ADAM23: variants seen among roughly 807,000 people sequenced by gnomAD.
The protein encoded by ADAM23 is ADAM metallopeptidase domain 23.
A neutral mutation model predicts 120.1 loss-of-function variants in ADAM23; 33 were observed. That is an observed-to-expected ratio of 0.27 (90% CI 0.21 to 0.37). The LOEUF (loss-of-function observed/expected upper bound fraction) is 0.37. ADAM23 is among the 10% of genes least tolerant of loss of function. ADAM23 has a pLI of 1.00. For synonymous variants in ADAM23, 367 were observed against 375.2 expected, an observed-to-expected ratio of 0.98 and a Z score of 0.25; for missense variants, 862 against 1,058.2, an observed-to-expected ratio of 0.81 and a Z score of 2.57.
chr2:206,612,274 A>AT (rs943915236), intron 25 of ADAM23, among the ~76,000 whole-genome samples: 5 of 152,208 alleles, frequency 3.3e-5, no homozygotes, highest in African/African-American at 1.2e-4. Context: ...CTGAATGATA[A>AT]TGTTTAGATT....
At chr2:206,510,279 A>T (rs1314825357) in intron 3 of ADAM23, among the ~76,000 whole-genome samples, 1 of 152,240 alleles carries the variant, frequency 6.6e-6, no homozygotes, top group Non-Finnish European at 1.5e-5. Flanking sequence ...AAGATCAGAC[A>T]AATACTGTAT....
chr2:206,543,129 G>C (rs1317062626), intron 5 of ADAM23, 124 bp from the exon 6 acceptor site: 1 of 806,854 alleles, frequency 1.2e-6, no homozygotes, highest in East Asian at 2.6e-5. Flanking sequence ...ACTTGTGACA[G>C]TGTAAAGGGA....
intron 25 of ADAM23, among the ~76,000 whole-genome samples, chr2:206,612,416 T>A (rs1165645295): frequency 6.6e-6 from 1 of 152,200 alleles, no homozygotes; most frequent in Non-Finnish European, 1.5e-5. Context: ...TCCTTTAGAA[T>A]CAGAAGTTGA....
At chr2:206,589,751 C>T (rs1698390525) in intron 21 of ADAM23, among the ~76,000 whole-genome samples, 1 of 152,042 alleles carries the variant, frequency 6.6e-6, no homozygotes, top group South Asian at 2.1e-4. Flanking sequence ...TTCTCAGGTG[C>T]CACATTTTAC....
chr2:206,484,530 A>G (rs1695966064), intron 3 of ADAM23, among the ~76,000 whole-genome samples: 1 of 152,206 alleles, frequency 6.6e-6, no homozygotes, highest in African/African-American at 2.4e-5. Flanking sequence ...TCTCTGTGGT[A>G]GCACAGAATA....
At chr2:206,484,931 C>G (rs941094793) in intron 3 of ADAM23, among the ~76,000 whole-genome samples, 2 of 152,224 alleles carry the variant, frequency 1.3e-5, no homozygotes, top group African/African-American at 4.8e-5. Context: ...CACATGCTCT[C>G]TTGCCTGCCG....
intron 18 of ADAM23, among the ~76,000 whole-genome samples, chr2:206,578,072 A>G (rs1000112296): frequency 6.6e-6 from 1 of 152,200 alleles, no homozygotes; most frequent in Non-Finnish European, 1.5e-5. Context: ...TCTAACTGAA[A>G]CATCACAAAA....
intron 3 of ADAM23, among the ~76,000 whole-genome samples, chr2:206,498,346 G>A (rs575183596): frequency 0.029 from 4,422 of 151,986 alleles, 125 homozygotes; most frequent in Non-Finnish European, 0.039. Context: ...AAATAATGCC[G>A]CATATCTACA....
At chr2:206,614,777 A>G (rs954127520) in intron 25 of ADAM23, among the ~76,000 whole-genome samples, 7 of 152,194 alleles carry the variant, frequency 4.6e-5, no homozygotes, top group Non-Finnish European at 1.0e-4. Flanking sequence ...TTTTTATTGA[A>G]TTAGGAAATT....
chr2:206,462,126 G>A (rs958461412), intron 2 of ADAM23, among the ~76,000 whole-genome samples: 5 of 152,108 alleles, frequency 3.3e-5, no homozygotes, highest in African/African-American at 1.2e-4. Flanking sequence ...CTAAACAGGA[G>A]TGCTGGGAGC....
At chr2:206,521,931 A>G (rs948352409) in intron 3 of ADAM23, among the ~76,000 whole-genome samples, 2 of 152,206 alleles carry the variant, frequency 1.3e-5, no homozygotes, top group African/African-American at 4.8e-5. Context: ...TATTTTCTAA[A>G]GTGATGGGGG....
At position 206,443,932 on chromosome 2, in the gene ADAM23, C is replaced by A; in HGVS notation, c.66C>A (p.Ser22=). Residue 22 remains serine, a synonymous_variant, in exon 1 of 26, where the codon TCC becomes TCA. Transcript: ENST00000264377. ...PLAGCSLAGA[S]CGPQRGPAGS... is the part of the protein sequence containing the mutation. ...CGGGCTGCAGCCTTGCCGGCGCTTC[C>A]TGCGGCCCCCAACGCGGCCCCGCCG... is the stretch of plus-strand genomic sequence containing the variant. The A allele has an allele frequency of 8.1e-7, 1 of 1,240,220 alleles. No homozygotes were observed. The highest frequency in any genetic ancestry group is 1.0e-6 in the Non-Finnish European group (1 of 996,180). The allele number at this position is 1,240,220 out of a possible 1,614,324, so 76.8% of individuals were successfully genotyped here. A position where few individuals can be genotyped will look rare whatever the true frequency, so the allele number is the denominator to read the frequency against.
intron 2 of ADAM23, among the ~76,000 whole-genome samples, chr2:206,450,620 A>G (rs1212763781): frequency 1.3e-5 from 2 of 152,212 alleles, no homozygotes; most frequent in Admixed American, 6.5e-5. Flanking sequence ...CATAAGTCAC[A>G]CTAACTATAT....
chr2:206,579,329 T>G (rs999751261), intron 18 of ADAM23, among the ~76,000 whole-genome samples: 1 of 151,992 alleles, frequency 6.6e-6, no homozygotes, highest in Non-Finnish European at 1.5e-5. Context: ...TCTAGAAGGG[T>G]TTTTCAATGT....
chr2:206,444,216 C>A, intron 1 of ADAM23, 136 bp downstream of exon 1: 2 of 631,328 alleles, frequency 3.2e-6, no homozygotes, highest in Non-Finnish European at 4.5e-6. Flanking sequence ...GTCTTTCCAC[C>A]CTTCTCGTTC....
intron 3 of ADAM23, among the ~76,000 whole-genome samples, chr2:206,489,435 C>T (rs1211428755): frequency 1.3e-5 from 2 of 152,066 alleles, no homozygotes; most frequent in Non-Finnish European, 2.9e-5. Context: ...CACTCTGGGC[C>T]TTAGTCCGAA....
At chr2:206,499,058 C>G (rs998933629) in intron 3 of ADAM23, among the ~76,000 whole-genome samples, 1 of 152,028 alleles carries the variant, frequency 6.6e-6, no homozygotes, top group African/African-American at 2.4e-5. Context: ...GGACTGTAAA[C>G]TAGTTCAACC....
intron 22 of ADAM23, among the ~76,000 whole-genome samples, chr2:206,593,995 G>A (rs920873115): frequency 6.6e-6 from 1 of 151,232 alleles, no homozygotes; most frequent in Admixed American, 6.6e-5. Flanking sequence ...GTTTAGATAC[G>A]TTTAGATAGG....
chr2:206,456,967 C>G (rs1349204037), intron 2 of ADAM23, among the ~76,000 whole-genome samples: 3 of 152,142 alleles, frequency 2.0e-5, no homozygotes, highest in Non-Finnish European at 4.4e-5. Flanking sequence ...GTGCTTTGTG[C>G]TGTCTTTTAA....
Sources: gnomAD v4.1 joint callset for allele counts (sites outside exome capture counted in the v4.1 genomes callset) on GRCh38, gnomAD v4.1.1 for gene constraint, MANE v1.5 for transcripts, NCBI Gene and HGNC (gene_info 2026-07-23, HGNC 2026-07-21) for gene names.